Variants in DZANK1 observed in about 807,000 individuals in gnomAD.
DZANK1 encodes double zinc ribbon and ankyrin repeat-containing protein 1.
Under a neutral mutation model 94.5 loss-of-function variants are expected in DZANK1, and 91 were observed. The ratio of observed to expected loss-of-function variants is 0.96; its 90% CI spans 0.81 to 1.15. The LOEUF is 1.15. DZANK1 is among the 50% of genes most tolerant of loss of function. DZANK1 has a pLI of 0.00. For missense variants in DZANK1, 903 were observed against 916.4 expected (o/e 0.99, Z 0.19); for synonymous variants, 312 against 325.3 (o/e 0.96, Z 0.44).
At position 18,417,034 on chromosome 20, in the gene DZANK1, C is replaced by CA. The variant is rs55889297; in HGVS notation, c.955-1586dup. 9.2e-3 allele frequency among the ~76,000 whole-genome samples: 1,288 copies of CA among 139,848 alleles called. 21 individuals are homozygous for CA. The highest frequency in any genetic ancestry group is 0.027 in the African/African-American group (1,044 of 37,972). The allele number at this position is 139,848 out of a possible 152,430, so 91.7% of individuals were successfully genotyped here. A position where few individuals can be genotyped will look rare whatever the true frequency, so the allele number is the denominator to read the frequency against. ...TACTGATCAAAAAAACAAAAAAAAA[C>CA]AAAAAAAAAAAAGAAGAGAAAGAAA... On this transcript the variant is annotated intron_variant, in intron 10 of 20. Coordinates refer to ENST00000262547, the Ensembl canonical transcript of DZANK1.
At chr20:18,405,605 G>T (rs2056921941) in intron 13 of DZANK1, among the ~76,000 whole-genome samples, 1 of 152,148 alleles carries the variant, frequency 6.6e-6, no homozygotes, top group African/African-American at 2.4e-5. Context: ...ATACATCCAA[G>T]AAGCTCAAAA....
chr20:18,415,544 G>A (rs1325073788), intron 10 of DZANK1, 95 bp from the exon 11 acceptor site: 4 of 1,264,954 alleles, frequency 3.2e-6, no homozygotes, highest in African/African-American at 1.5e-5. Context: ...CAGACAAGAT[G>A]AGCCCCGGAA....
In DZANK1 at chr20:18,465,414, A is replaced by T. The variant is rs201154314; in HGVS notation, c.-19-37T>A. On this transcript the variant is annotated intron_variant, in intron 1 of 20. Coordinates refer to ENST00000262547, the Ensembl canonical transcript of DZANK1. ...TATACATATAAATTCCAATGTACAC[A>T]AAAGCTGAAGAGCAGCACTTAATTT... The T allele has an allele frequency of 1.8e-4, 6 of 33,266 alleles. 2 individuals carry two copies. Among genetic ancestry groups the T allele is most frequent in the East Asian group, 1.3e-3 (2 of 1,590 alleles). The allele number at this position is 33,266 out of a possible 1,614,324, so 2.1% of individuals were successfully genotyped here. A position where few individuals can be genotyped will look rare whatever the true frequency, so the allele number is the denominator to read the frequency against.
intron 7 of DZANK1, among the ~76,000 whole-genome samples, chr20:18,443,979 A>G (rs193010147): frequency 6.6e-6 from 1 of 152,252 alleles, no homozygotes; most frequent in Admixed American, 6.5e-5. Flanking sequence ...TTTCTTATGC[A>G]GCTGGACCCA....
At chr20:18,452,329 G>C (rs2059131931) in intron 6 of DZANK1, among the ~76,000 whole-genome samples, 1 of 152,124 alleles carries the variant, frequency 6.6e-6, no homozygotes, top group Non-Finnish European at 1.5e-5. Context: ...GATCGCCTCT[G>C]AGAACCACTG....
intron 3 of DZANK1, among the ~76,000 whole-genome samples, chr20:18,455,699 T>C (rs1182325109): frequency 6.6e-6 from 1 of 152,204 alleles, no homozygotes; most frequent in East Asian, 1.9e-4. Flanking sequence ...CTGGGCTGGA[T>C]GTTCAAAATG....
In DZANK1 at chr20:18,465,360, TTCTC is replaced by T; in HGVS notation, c.-6_-3del. On this transcript the variant is annotated 5_prime_UTR_variant, in exon 2 of 21. Coordinates refer to ENST00000262547, the Ensembl canonical transcript of DZANK1. ...GACACACACTGAACCAGCAGTCATT[TTCTC>T]TCTCTCTCTCTCTCTCTATATATAT... is the stretch of plus-strand genomic sequence containing the variant. 2.0e-3 allele frequency: 2,066 copies of T among 1,010,940 alleles called. 24 individuals are homozygous for T. The highest frequency in any genetic ancestry group is 4.6e-3 in the Middle Eastern group (20 of 4,314). 62.6% of individuals were successfully genotyped at this position (1,010,940 alleles called of 1,614,324 possible).
At chr20:18,451,577 A>T (rs1217349598) in intron 6 of DZANK1, among the ~76,000 whole-genome samples, 1 of 152,058 alleles carries the variant, frequency 6.6e-6, no homozygotes, top group Non-Finnish European at 1.5e-5. Context: ...TTCTAAGTAC[A>T]TATGTCCAGC....
chr20:18,399,489 C>T (rs984502124), intron 13 of DZANK1, among the ~76,000 whole-genome samples: 1 of 152,136 alleles, frequency 6.6e-6, no homozygotes, highest in Non-Finnish European at 1.5e-5. Context: ...TTTAGCCTCC[C>T]AAAGTGCTAG....
Position 18,433,759 on chromosome 20 carries a change from A to T in DZANK1, c.754T>A (p.Leu252Met), listed in dbSNP as rs1409293977. Residue 252 changes from leucine (L) to methionine (M), a missense_variant, in exon 9 of 21, where the codon TTG (leucine) becomes ATG (methionine). Physicochemically the swap from Leu to Met is conservative, Grantham distance 15. Transcript: ENST00000262547. ...ACCAAGCTTCTGCATTCTGCACACA[A>T]GCCCATCTGCACAAGGAAAAGGTCT... 2.5e-6 allele frequency: 4 copies of T among 1,613,732 alleles called. No homozygotes were observed. The Admixed American group carries it at 6.7e-5, about 27-fold the overall frequency.
exon 13 of DZANK1, chr20:18,412,780 G>A: frequency 6.2e-7 from 1 of 1,613,938 alleles, no homozygotes; most frequent in Non-Finnish European, 8.5e-7. Flanking sequence ...AACAGTCTGT[G>A]TTCCTATGTC....
chr20:18,408,834 T>C (rs1047724087), intron 13 of DZANK1, among the ~76,000 whole-genome samples: 1 of 152,202 alleles, frequency 6.6e-6, no homozygotes, highest in Non-Finnish European at 1.5e-5. Flanking sequence ...CCAAAATTCA[T>C]GGGTAATAGT....
intron 17 of DZANK1, among the ~76,000 whole-genome samples, chr20:18,393,302 G>C: frequency 6.6e-6 from 1 of 152,166 alleles, no homozygotes; most frequent in East Asian, 1.9e-4. Flanking sequence ...TCCCTCCAGG[G>C]ACGTCTGTCC....
intron 10 of DZANK1, among the ~76,000 whole-genome samples, chr20:18,422,174 A>G (rs1543455): frequency 0.71 from 108,234 of 152,052 alleles, 39,384 homozygotes; most frequent in South Asian, 0.8. Flanking sequence ...TATGTTTTCC[A>G]ATAGAAGTTT....
intron 7 of DZANK1, among the ~76,000 whole-genome samples, chr20:18,445,425 A>T (rs1326271664): frequency 6.6e-6 from 1 of 152,244 alleles, no homozygotes; most frequent in Non-Finnish European, 1.5e-5. Flanking sequence ...TCAATAACTG[A>T]TTACATGATA....
In DZANK1 at chr20:18,398,521, A is replaced by G; in HGVS notation, c.1536+2T>C. On this transcript the variant is annotated splice_donor_variant, in intron 14 of 20. Coordinates refer to ENST00000262547, the Ensembl canonical transcript of DZANK1. LOFTEE classifies it high-confidence loss of function. ...GTGGAGTGGAAATTTCATCTCACCC[A>G]CCTTTCCCATCCTGGGTTCTGCAAT... 6.2e-7 allele frequency: 1 copy of G among 1,613,752 alleles called. No individual in the cohort carries two copies.
chr20:18,384,509 C>T (rs2048360681), exon 21 of DZANK1: 1 of 1,611,656 alleles, frequency 6.2e-7, no homozygotes, highest in Non-Finnish European at 8.5e-7. Flanking sequence ...GTGTTCAGAG[C>T]CAGGTCGTAT....
At chr20:18,443,386 G>A in exon 8 of DZANK1, 3 of 1,549,622 alleles carry the variant, frequency 1.9e-6, no homozygotes, top group Non-Finnish European at 2.6e-6. Context: ...AGCCAAATAT[G>A]GGTGGGACAG....
At chr20:18,401,660 G>A (rs2148329779) in intron 13 of DZANK1, among the ~76,000 whole-genome samples, 1 of 152,326 alleles carries the variant, frequency 6.6e-6, no homozygotes, top group East Asian at 1.9e-4. Context: ...GCCTTCACCT[G>A]CACTCATTCA....
Sources: allele counts gnomAD v4.1 joint callset (sites outside exome capture counted in the v4.1 genomes callset), GRCh38; gene constraint gnomAD v4.1.1; transcripts MANE v1.5; gene names NCBI Gene and HGNC (gene_info 2026-07-23, HGNC 2026-07-21).